PTPRM: variants seen among roughly 807,000 people sequenced by gnomAD.
The protein encoded by PTPRM is receptor-type tyrosine-protein phosphatase mu.
PTPRM carries 47 observed loss-of-function variants against 186.7 expected under a neutral mutation model. That is an observed-to-expected ratio of 0.25 (90% CI 0.20 to 0.32). The LOEUF is 0.32. Ranked by LOEUF, PTPRM falls within the 10% of genes least tolerant of loss-of-function variation. The pLI is 1.00. For missense variants in PTPRM, 1,494 were observed against 1,865.0 expected, an observed-to-expected ratio of 0.80 and a Z score of 3.66; for synonymous variants, 668 against 674.9, an observed-to-expected ratio of 0.99 and a Z score of 0.16.
intron 7 of PTPRM, among the ~76,000 whole-genome samples, chr18:8,023,877 C>CACGCG (rs2085393551): frequency 6.6e-6 from 1 of 151,812 alleles, no homozygotes. Context: ...CACACGCACA[C>CACGCG]CCCTCCTATG....
At chr18:7,638,453 C>T (rs1179932429) in intron 1 of PTPRM, among the ~76,000 whole-genome samples, 2 of 152,204 alleles carry the variant, frequency 1.3e-5, no homozygotes, top group Non-Finnish European at 2.9e-5. Flanking sequence ...TTTCTGCCTG[C>T]CCCATGTTGT....
intron 7 of PTPRM, among the ~76,000 whole-genome samples, chr18:8,051,776 A>C (rs533849000): frequency 2.6e-5 from 4 of 152,190 alleles, no homozygotes; most frequent in Admixed American, 2.6e-4. Flanking sequence ...TTCTTTTGAC[A>C]ATAATGCTGG....
At chr18:7,917,218 G>A (rs984449056) in intron 4 of PTPRM, among the ~76,000 whole-genome samples, 1 of 152,176 alleles carries the variant, frequency 6.6e-6, no homozygotes, top group African/African-American at 2.4e-5. Context: ...TATGTCAAAT[G>A]TCTTTTAAAA....
intron 1 of PTPRM, among the ~76,000 whole-genome samples, chr18:7,601,087 C>T (rs574205678): frequency 1.6e-4 from 25 of 152,306 alleles, no homozygotes; most frequent in East Asian, 3.9e-4. Context: ...GGCCCAGTGG[C>T]GTGGCTTTCC....
chr18:7,711,213 C>T (rs901881936), intron 1 of PTPRM, among the ~76,000 whole-genome samples: 1 of 152,082 alleles, frequency 6.6e-6, no homozygotes, highest in Non-Finnish European at 1.5e-5. Flanking sequence ...ATTGCCTCAC[C>T]CGGGAAGCTC....
chr18:7,955,456 C>G, intron 7 of PTPRM, 42 bp downstream of exon 7: 2 of 1,568,214 alleles, frequency 1.3e-6, no homozygotes, highest in Non-Finnish European at 1.7e-6. Context: ...ATTGTCTTTC[C>G]TGGTGTTGAC....
chr18:7,768,633 G>GAT lies in PTPRM; in HGVS notation c.74-5501_74-5500dup, dbSNP rs1196730216. Among the ~76,000 whole-genome samples the GAT allele has an allele frequency of 3.9e-4, 57 of 145,498 alleles. 1 individual carries two copies. The highest frequency in any genetic ancestry group is 1.1e-3 in the South Asian group (5 of 4,586). On this transcript the variant is annotated intron_variant, in intron 1 of 32. Transcript: ENST00000580170. ...TGTTGAGAGCAAGAGTATCCATAAA[G>GAT]ATATATATATATATATTTTTTTTTT...
chr18:7,792,443 G>A (rs1598736871), intron 2 of PTPRM, among the ~76,000 whole-genome samples: 1 of 152,186 alleles, frequency 6.6e-6, no homozygotes, highest in Admixed American at 6.5e-5. Flanking sequence ...TCAGTGCCGG[G>A]TGGTTTTGCC....
intron 2 of PTPRM, among the ~76,000 whole-genome samples, chr18:7,832,878 C>A (rs2045832022): frequency 6.6e-6 from 1 of 152,120 alleles, no homozygotes; most frequent in Non-Finnish European, 1.5e-5. Context: ...AAGAGATTGT[C>A]TTTTACCCAT....
intron 11 of PTPRM, among the ~76,000 whole-genome samples, chr18:8,101,229 C>T (rs2091277631): frequency 6.6e-6 from 1 of 152,114 alleles, no homozygotes; most frequent in Admixed American, 6.6e-5. Context: ...AGATTTATGT[C>T]CACCTCAAAG....
At chr18:8,117,698 A>G (rs953018892) in intron 13 of PTPRM, among the ~76,000 whole-genome samples, 1 of 152,130 alleles carries the variant, frequency 6.6e-6, no homozygotes, top group African/African-American at 2.4e-5. Context: ...TGAATTTCCT[A>G]TAGGTACAAG....
intron 14 of PTPRM, among the ~76,000 whole-genome samples, chr18:8,184,314 T>TG (rs2093615572): frequency 7.4e-6 from 1 of 135,794 alleles, no homozygotes; most frequent in African/African-American, 2.5e-5. Flanking sequence ...TGATGTGTTT[T>TG]ATCCTGCTGC....
intron 14 of PTPRM, among the ~76,000 whole-genome samples, chr18:8,209,989 TAAAAAAA>T (rs67547673): frequency 3.8e-5 from 3 of 78,696 alleles, no homozygotes; most frequent in Admixed American, 1.8e-4. Flanking sequence ...GAAGTAAAAT[TAAAAAAA>T]AAAAAAAAAA....
At chr18:7,945,390 G>T (rs1041992112) in intron 5 of PTPRM, among the ~76,000 whole-genome samples, 14 of 151,764 alleles carry the variant, frequency 9.2e-5, no homozygotes, top group Non-Finnish European at 2.1e-4. Flanking sequence ...GCGTGAACCC[G>T]GGAGGCAGAG....
chr18:8,357,933 C>T (rs2095572264), intron 23 of PTPRM, among the ~76,000 whole-genome samples: 1 of 152,040 alleles, frequency 6.6e-6, no homozygotes, highest in Admixed American at 6.6e-5. Flanking sequence ...CTTTTTTCTC[C>T]AATCTTATTG....
chr18:7,643,265 C>T (rs1218120728), intron 1 of PTPRM, among the ~76,000 whole-genome samples: 1 of 152,056 alleles, frequency 6.6e-6, no homozygotes, highest in Non-Finnish European at 1.5e-5. Context: ...TGACATGGCC[C>T]AAAATAAAAC....
At chr18:7,599,372 C>G (rs2037344192) in intron 1 of PTPRM, among the ~76,000 whole-genome samples, 1 of 152,228 alleles carries the variant, frequency 6.6e-6, no homozygotes, top group Non-Finnish European at 1.5e-5. Flanking sequence ...GCAGATTACA[C>G]TATGAGAGTT....
intron 23 of PTPRM, among the ~76,000 whole-genome samples, chr18:8,358,139 C>CA (rs200871542): frequency 0.044 from 6,707 of 150,800 alleles, 300 homozygotes; most frequent in African/African-American, 0.11. Context: ...ATTCCCCCCC[C>CA]CACACACACA....
intron 1 of PTPRM, among the ~76,000 whole-genome samples, chr18:7,684,797 A>G (rs2039561855): frequency 6.6e-6 from 1 of 152,194 alleles, no homozygotes; most frequent in African/African-American, 2.4e-5. Flanking sequence ...AATAGTCCTG[A>G]AATAAATTTG....
Sources: gnomAD v4.1 joint callset for allele counts (sites outside exome capture counted in the v4.1 genomes callset) on GRCh38, gnomAD v4.1.1 for gene constraint, MANE v1.5 for transcripts, NCBI Gene and HGNC (gene_info 2026-07-23, HGNC 2026-07-21) for gene names.